VPS13B: variants seen among roughly 807,000 people sequenced by gnomAD.
The protein encoded by VPS13B is intermembrane lipid transfer protein VPS13B.
A neutral mutation model predicts 426.4 loss-of-function variants in VPS13B; 285 were observed. That is an observed-to-expected ratio of 0.67 (90% CI 0.61 to 0.74). The LOEUF is 0.74. Among genes scored for constraint, VPS13B ranks in the 30% least tolerant of loss-of-function variants. The pLI is 0.00. For synonymous variants in VPS13B, 1,676 were observed against 1,676.4 expected, an observed-to-expected ratio of 1.00 and a Z score of 0.01; for missense variants, 4,537 against 4,782.6, an observed-to-expected ratio of 0.95 and a Z score of 1.51.
chr8:99,817,933 T>C, intron 45 of VPS13B, 130 bp downstream of exon 45: 3 of 1,377,408 alleles, frequency 2.2e-6, no homozygotes, highest in Non-Finnish European at 1.0e-6. Flanking sequence ...AGGCTTTGAA[T>C]AGTACTTCTC....
intron 29 of VPS13B, among the ~76,000 whole-genome samples, chr8:99,512,000 G>A (rs1053252033): frequency 3.9e-5 from 6 of 152,134 alleles, no homozygotes; most frequent in Admixed American, 3.9e-4. Context: ...GCCCAACATG[G>A]TGGTGCACAC....
rs113817306 is a variant in VPS13B at position 99,055,112 on chromosome 8, G to A, written c.291+16546G>A. Among the ~76,000 whole-genome samples, 1,214 of 147,378 alleles carry A rather than the reference G, an allele frequency of 8.2e-3. 19 individuals carry two copies. Among genetic ancestry groups the A allele is most frequent in the African/African-American group, 0.029 (1,149 of 40,108 alleles). The stretch of plus-strand genomic sequence containing the variant: ...GCATGCAGTGGCATGATCTCAGCTC[G>A]CTATATAACCTCTGCTTTCGTGCTT... On this transcript the variant is annotated intron_variant, in intron 3 of 61. Coordinates refer to ENST00000357162, the MANE Select transcript of VPS13B (RefSeq NM_152564.5).
intron 58 of VPS13B, among the ~76,000 whole-genome samples, chr8:99,865,906 G>T (rs963001460): frequency 2.0e-5 from 3 of 152,162 alleles, no homozygotes; most frequent in Non-Finnish European, 4.4e-5. Flanking sequence ...TCTGCCCAAG[G>T]CCTAGGAGCA....
intron 49 of VPS13B, among the ~76,000 whole-genome samples, 191 bp from the exon 50 acceptor site, chr8:99,821,103 A>AACACACACACACACACACACACAC (rs755074579): frequency 5.1e-5 from 4 of 78,372 alleles, no homozygotes; most frequent in East Asian, 3.8e-4. Flanking sequence ...GTCATTACAA[A>AACACACACACACACACACACACAC]ACACACACAC....
At chr8:99,638,187 G>C (rs777768645) in intron 33 of VPS13B, among the ~76,000 whole-genome samples, 2 of 151,946 alleles carry the variant, frequency 1.3e-5, no homozygotes, top group Non-Finnish European at 2.9e-5. Flanking sequence ...CAATTATTAA[G>C]CTTTATTATG....
chr8:99,823,889 G>A lies in VPS13B; in HGVS notation c.9241G>A (p.Glu3081Lys). ...VQQGIQIIQI[E>K]DKTTIINNTP... ...GCAAGGTATACAAATTATTCAGATTGAAGACAAGACTACAATAATCAATAA... is the reference window on the plus strand; with the variant it reads ...GCAAGGTATACAAATTATTCAGATTAAAGACAAGACTACAATAATCAATAA... The change falls in exon 51 of 62, where the codon GAA (glutamate) becomes AAA (lysine). Residue 3081 changes from glutamate to lysine, a missense_variant. By Grantham distance (56) the Glu-to-Lys change is moderately conservative. Transcript: ENST00000357162. 6.2e-7 allele frequency: 1 copy of A among 1,613,492 alleles called. No individual in the cohort carries two copies. Among genetic ancestry groups the A allele is most frequent in the East Asian group, 2.2e-5 (1 of 44,840 alleles).
intron 2 of VPS13B, among the ~76,000 whole-genome samples, chr8:99,031,706 G>C (rs1842515338): frequency 6.6e-6 from 1 of 152,188 alleles, no homozygotes; most frequent in Non-Finnish European, 1.5e-5. Flanking sequence ...GCTAGATTGT[G>C]GGTGTTTGTG....
intron 39 of VPS13B, among the ~76,000 whole-genome samples, chr8:99,740,107 C>A (rs1054021792): frequency 6.6e-6 from 1 of 152,090 alleles, no homozygotes; most frequent in African/African-American, 2.4e-5. Context: ...ACTAGAATAA[C>A]CAATGCAGAG....
intron 35 of VPS13B, among the ~76,000 whole-genome samples, chr8:99,675,700 C>T (rs1268922011): frequency 1.3e-5 from 2 of 151,980 alleles, no homozygotes; most frequent in East Asian, 3.9e-4. Flanking sequence ...TAGATTGTTT[C>T]TTCTGCTTGA....
intron 35 of VPS13B, chr8:99,697,192 T>C: frequency 1.8e-6 from 1 of 549,378 alleles, no homozygotes; most frequent in African/African-American, 1.9e-5. Flanking sequence ...GTGGCTGAGG[T>C]GGAGGGTGGG....
intron 25 of VPS13B, among the ~76,000 whole-genome samples, chr8:99,490,288 C>T (rs1441591992): frequency 6.6e-6 from 1 of 152,170 alleles, no homozygotes; most frequent in Non-Finnish European, 1.5e-5. Flanking sequence ...TGGTGTGCTG[C>T]TGGATTCGGT....
At chr8:99,418,475 CTT>C (rs1332125138) in intron 21 of VPS13B, among the ~76,000 whole-genome samples, 1 of 143,940 alleles carries the variant, frequency 6.9e-6, no homozygotes, top group African/African-American at 2.7e-5. Flanking sequence ...TTCTTTCTTT[CTT>C]TCTTTCTTTC....
intron 3 of VPS13B, among the ~76,000 whole-genome samples, chr8:99,078,428 G>A (rs2132357192): frequency 6.6e-6 from 1 of 151,834 alleles, no homozygotes; most frequent in African/African-American, 2.4e-5. Flanking sequence ...GCTGGAATCA[G>A]GATTAGTCTT....
intron 20 of VPS13B, among the ~76,000 whole-genome samples, chr8:99,389,960 G>A (rs1814333736): frequency 6.6e-6 from 1 of 151,968 alleles, no homozygotes; most frequent in Non-Finnish European, 1.5e-5. Flanking sequence ...AACAATATAA[G>A]GAGCATATCT....
At chr8:99,618,193 G>T (rs1007288387) in intron 33 of VPS13B, among the ~76,000 whole-genome samples, 4 of 151,010 alleles carry the variant, frequency 2.6e-5, no homozygotes, top group Non-Finnish European at 5.9e-5. Flanking sequence ...TTATATAATA[G>T]TGACTGATAA....
chr8:99,322,583 C>G (rs868785174), intron 19 of VPS13B, among the ~76,000 whole-genome samples: 3 of 152,168 alleles, frequency 2.0e-5, no homozygotes, highest in Non-Finnish European at 4.4e-5. Context: ...AGCGTGACTG[C>G]TCTTTAAATG....
At chr8:99,767,298 A>G (rs1191312509) in intron 40 of VPS13B, among the ~76,000 whole-genome samples, 1 of 152,202 alleles carries the variant, frequency 6.6e-6, no homozygotes, top group Non-Finnish European at 1.5e-5. Context: ...ATACAGTCAT[A>G]CACACACCTC....
At chr8:99,871,834 A>G in intron 61 of VPS13B, 137 bp downstream of exon 61, 1 of 1,515,972 alleles carries the variant, frequency 6.6e-7, no homozygotes, top group Non-Finnish European at 9.0e-7. Context: ...TGCTACCCAG[A>G]GGAGGAAGTG....
At chr8:99,087,325 G>A (rs1845875626) in intron 3 of VPS13B, among the ~76,000 whole-genome samples, 1 of 152,152 alleles carries the variant, frequency 6.6e-6, no homozygotes, top group South Asian at 2.1e-4. Context: ...ATTAGGGTGG[G>A]AGTGACCTGA....
Sources: gnomAD v4.1 joint callset for allele counts (sites outside exome capture counted in the v4.1 genomes callset) on GRCh38, gnomAD v4.1.1 for gene constraint, MANE v1.5 for transcripts, NCBI Gene and HGNC (gene_info 2026-07-23, HGNC 2026-07-21) for gene names.